Variants in PTPRT observed in about 807,000 individuals in gnomAD.
PTPRT encodes receptor-type tyrosine-protein phosphatase T.
A neutral mutation model predicts 176.8 loss-of-function variants in PTPRT; 56 were observed. The ratio of observed to expected loss-of-function variants is 0.32; its 90% CI spans 0.26 to 0.40. PTPRT has a LOEUF of 0.40. PTPRT is among the 10% of genes least tolerant of loss of function. PTPRT has a pLI of 1.00. For synonymous variants in PTPRT, 783 were observed against 739.0 expected, an observed-to-expected ratio of 1.06 and a Z score of -0.96; for missense variants, 1,540 against 1,908.2, an observed-to-expected ratio of 0.81 and a Z score of 3.60.
intron 6 of PTPRT, among the ~76,000 whole-genome samples, chr20:42,701,823 A>G (rs1035087994): frequency 6.6e-6 from 1 of 152,166 alleles, no homozygotes; most frequent in African/African-American, 2.4e-5. Context: ...AGCCTGCTAC[A>G]GTGCTCCATA....
At chr20:43,003,534 C>T (rs1226495363) in intron 1 of PTPRT, among the ~76,000 whole-genome samples, 1 of 152,168 alleles carries the variant, frequency 6.6e-6, no homozygotes, top group African/African-American at 2.4e-5. Flanking sequence ...TAGAACCTTG[C>T]TACACAAAAT....
intron 6 of PTPRT, among the ~76,000 whole-genome samples, chr20:42,739,047 G>A (rs568389713): frequency 2.0e-4 from 31 of 152,294 alleles, no homozygotes; most frequent in African/African-American, 6.0e-4. Context: ...GCGACAGAGT[G>A]AGACCCTGTC....
At position 42,886,051 on chromosome 20, in the gene PTPRT, A is replaced by T. The variant is rs776675103; in HGVS notation, c.89-119T>A. 2.1e-3 allele frequency: 407 copies of T among 194,698 alleles called. 2 individuals carry two copies. Among genetic ancestry groups the T allele is most frequent in the Middle Eastern group, 0.016 (8 of 504 alleles). The allele number at this position is 194,698 out of a possible 1,614,324, so 12.1% of individuals were successfully genotyped here. On this transcript the variant is annotated intron_variant, in intron 1 of 30. Transcript: ENST00000373187. ...TTTTAAACTCTGGAGAAGATTTTCC[A>T]TATATATATATATATATATAAAAGA...
In PTPRT at chr20:42,885,813, G is replaced by A; in HGVS notation, c.208C>T (p.Pro70Ser). The A allele has an allele frequency of 6.2e-7, 1 of 1,605,634 alleles. No homozygotes were observed. Among genetic ancestry groups the A allele is most frequent in the Non-Finnish European group, 8.5e-7 (1 of 1,174,642 alleles). Residue 70 changes from proline to serine, a missense_variant, in exon 2 of 31, where the codon CCC becomes TCC. Pro to Ser is a moderately conservative substitution (Grantham distance 74). Around this residue, in one of 11 missense-constraint regions of PTPRT, gnomAD observed 116 missense variants for 118.5 expected, o/e 0.98. Transcript: ENST00000373187. ...AACATGATGGATCACATACCTGTGGGCACTGCCTGGTCCAGCATTGGTTTC... is the reference window on the plus strand; with the variant it reads ...AACATGATGGATCACATACCTGTGGACACTGCCTGGTCCAGCATTGGTTTC... ...WEKPMLDQAV[P>S]TGSFMMVNSS...
At chr20:42,400,992 C>T (rs1269766836) in intron 9 of PTPRT, among the ~76,000 whole-genome samples, 1 of 151,806 alleles carries the variant, frequency 6.6e-6, no homozygotes, top group Non-Finnish European at 1.5e-5. Flanking sequence ...AGGGTGGAGC[C>T]GAGGACCCCC....
At chr20:42,780,347 A>T (rs1363409020) in intron 3 of PTPRT, 48 bp from the exon 4 acceptor site, 1 of 1,464,824 alleles carries the variant, frequency 6.8e-7, no homozygotes, top group Non-Finnish European at 9.6e-7. Flanking sequence ...AGTTGCAGGC[A>T]TTCATCACAA....
At chr20:42,815,453 C>A (rs1189579966) in intron 2 of PTPRT, among the ~76,000 whole-genome samples, 1 of 152,128 alleles carries the variant, frequency 6.6e-6, no homozygotes, top group East Asian at 1.9e-4. Flanking sequence ...TGATACATGG[C>A]AAAGGAAACC....
Position 42,199,287 on chromosome 20 carries a change from C to T in PTPRT, c.2444G>A (p.Arg815His), listed in dbSNP as rs536150112. ...DKPTTKLSAS[R>H]NDEGFSSSSQ... The stretch of plus-strand genomic sequence containing the variant: ...ACTAGAAGAGAAGCCTTCATCATTG[C>T]GGCTGGCGCTGAGCTTGGTGGTGGG... Residue 815 changes from arginine (R) to histidine (H), a missense_variant, in exon 16 of 31, where the codon CGC becomes CAC. Around this residue, in one of 11 missense-constraint regions of PTPRT, gnomAD observed 255 missense variants for 250.1 expected, o/e 1.02. Coordinates refer to ENST00000373187, the MANE Select transcript of PTPRT (RefSeq NM_007050.6). 1.2e-5 allele frequency: 20 copies of T among 1,614,014 alleles called. No individual in the cohort carries two copies. The highest frequency in any genetic ancestry group is 8.0e-5 in the African/African-American group (6 of 74,928).
intron 16 of PTPRT, among the ~76,000 whole-genome samples, chr20:42,170,371 A>G (rs1990025076): frequency 6.6e-6 from 1 of 152,228 alleles, no homozygotes; most frequent in Admixed American, 6.5e-5. Context: ...GGTTCCTTGA[A>G]GTTTATTGAA....
chr20:42,692,271 C>T (rs1244088531), intron 6 of PTPRT, among the ~76,000 whole-genome samples: 4 of 152,314 alleles, frequency 2.6e-5, no homozygotes, highest in South Asian at 4.1e-4. Context: ...CAATCTCCCT[C>T]GTAAACACGT....
intron 6 of PTPRT, among the ~76,000 whole-genome samples, chr20:42,720,280 G>C (rs1174675837): frequency 2.6e-5 from 4 of 152,166 alleles, no homozygotes; most frequent in African/African-American, 4.8e-5. Context: ...AGCAGAATGG[G>C]AGGTAAAAAT....
chr20:42,368,736 A>G (rs1399762563), intron 9 of PTPRT, among the ~76,000 whole-genome samples: 1 of 152,246 alleles, frequency 6.6e-6, no homozygotes, highest in African/African-American at 2.4e-5. Context: ...GAAAAATATC[A>G]AAATTTGCAT....
intron 13 of PTPRT, among the ~76,000 whole-genome samples, chr20:42,257,674 G>T (rs2056672418): frequency 1.1e-5 from 1 of 93,038 alleles, no homozygotes; most frequent in Admixed American, 1.6e-4. Context: ...ACTCTCTCTT[G>T]ATCCTGATCC....
intron 1 of PTPRT, among the ~76,000 whole-genome samples, chr20:43,038,228 C>T (rs2208049): frequency 0.21 from 31,188 of 151,070 alleles, 3,484 homozygotes; most frequent in Admixed American, 0.34. Context: ...ATTACAAACA[C>T]ATTTCGCCCA....
Position 42,074,495 on chromosome 20 carries a change from C to T in PTPRT, c.*6384G>A, listed in dbSNP as rs1982584143. On this transcript the variant is annotated 3_prime_UTR_variant, in exon 31 of 31. Transcript: ENST00000373187. ...ACCAGACACTCATTCTCCGAACATTCCAATTAAGGATCAGAGTCCACATCT... is the reference window on the plus strand; with the variant it reads ...ACCAGACACTCATTCTCCGAACATTTCAATTAAGGATCAGAGTCCACATCT... The T allele has an allele frequency of 3.0e-6, 1 of 332,482 alleles. No individual in the cohort carries two copies. Among genetic ancestry groups the T allele is most frequent in the African/African-American group, 2.1e-5 (1 of 47,524 alleles). The allele number at this position is 332,482 out of a possible 1,614,324, so 20.6% of individuals were successfully genotyped here.
rs550327439 is a variant in PTPRT at position 42,414,444 on chromosome 20, C to A, written c.1560+33776G>T. 1.3e-5 allele frequency among the ~76,000 whole-genome samples: 2 copies of A among 152,228 alleles called. 1 individual carries two copies. Among genetic ancestry groups the A allele is most frequent in the South Asian group, 4.1e-4 (2 of 4,822 alleles). On this transcript the variant is annotated intron_variant, in intron 9 of 30. Transcript: ENST00000373187. ...ACAAGAGACTGAAATAAAAGGTATG[C>A]CTGTTTTTAAAAAGGAGGTAAAAAC...
intron 1 of PTPRT, among the ~76,000 whole-genome samples, chr20:43,001,342 G>C (rs1429883749): frequency 6.6e-6 from 1 of 152,086 alleles, no homozygotes; most frequent in Non-Finnish European, 1.5e-5. Flanking sequence ...AAATAGAATT[G>C]AGTCTAAATA....
chr20:42,940,913 C>G (rs1980501084), intron 1 of PTPRT, among the ~76,000 whole-genome samples: 2 of 151,890 alleles, frequency 1.3e-5, no homozygotes, highest in South Asian at 4.2e-4. Flanking sequence ...AACCCCACCT[C>G]TACTAAAAAT....
At chr20:42,958,367 G>A (rs183274) in intron 1 of PTPRT, among the ~76,000 whole-genome samples, 13 of 29,192 alleles carry the variant, frequency 4.5e-4, no homozygotes, top group Non-Finnish European at 6.3e-4. Flanking sequence ...AGGGAGGGGA[G>A]GGGAAGAAGA....
Sources: gnomAD v4.1 joint callset for allele counts (sites outside exome capture counted in the v4.1 genomes callset) on GRCh38, gnomAD v4.1.1 for gene constraint, gnomAD v4.1.1 regional missense constraint, MANE v1.5 for transcripts, NCBI Gene and HGNC (gene_info 2026-07-23, HGNC 2026-07-21) for gene names.